ACSF2: variants seen among roughly 807,000 people sequenced by gnomAD.
ACSF2 encodes the protein acyl-CoA synthetase family member 2, also known as medium-chain acyl-CoA ligase ACSF2, mitochondrial.
ACSF2 carries 52 observed loss-of-function variants against 79.3 expected under a neutral mutation model. The observed-to-expected ratio is 0.66, with a 90% CI of 0.53 to 0.83. The LOEUF is 0.83. ACSF2 is among the 40% of genes least tolerant of loss of function. The pLI, the probability that ACSF2 is intolerant of heterozygous loss-of-function variation, is 0.00. For synonymous variants in ACSF2, 283 were observed against 312.6 expected, an observed-to-expected ratio of 0.91 and a Z score of 1.00; for missense variants, 661 against 803.3, an observed-to-expected ratio of 0.82 and a Z score of 2.14.
intron 12 of ACSF2, 146 bp downstream of exon 12, chr17:50,472,725 T>TATAC: frequency 1.0e-6 from 1 of 953,624 alleles, no homozygotes; most frequent in Non-Finnish European, 1.5e-6. Context: ...TTCCAAAATG[T>TATAC]ATACGGTGGG....
intron 1 of ACSF2, among the ~76,000 whole-genome samples, chr17:50,429,744 C>T (rs1915353239): frequency 6.6e-6 from 1 of 152,160 alleles, no homozygotes; most frequent in Non-Finnish European, 1.5e-5. Context: ...TCTCAAACTC[C>T]TGAACTCAAG....
intron 1 of ACSF2, among the ~76,000 whole-genome samples, chr17:50,442,131 C>A (rs1359447966): frequency 3.3e-5 from 5 of 152,004 alleles, no homozygotes; most frequent in African/African-American, 9.7e-5. Flanking sequence ...ATGGTGAAAC[C>A]CCATTTCTAC....
chr17:50,467,652 T>G (rs1229822756), intron 10 of ACSF2, among the ~76,000 whole-genome samples: 1 of 152,096 alleles, frequency 6.6e-6, no homozygotes, highest in African/African-American at 2.4e-5. Flanking sequence ...AAACAAACCT[T>G]CCTTTATGGG....
chr17:50,437,513 C>T (rs2030528991), intron 1 of ACSF2, among the ~76,000 whole-genome samples: 1 of 152,134 alleles, frequency 6.6e-6, no homozygotes, highest in South Asian at 2.1e-4. Flanking sequence ...TAAATCCCAG[C>T]TGAGCGTGTG....
At chr17:50,466,483 C>T (rs533445827) in intron 10 of ACSF2, among the ~76,000 whole-genome samples, 2 of 152,316 alleles carry the variant, frequency 1.3e-5, no homozygotes, top group South Asian at 4.1e-4. Flanking sequence ...GCCACAGGAC[C>T]ACACCCAGCT....
intron 1 of ACSF2, among the ~76,000 whole-genome samples, chr17:50,426,668 G>A (rs902943161): frequency 6.6e-6 from 1 of 152,344 alleles, no homozygotes; most frequent in East Asian, 1.9e-4. Flanking sequence ...AGGGCAAGGA[G>A]TGTGGGCTTT....
At chr17:50,457,834 A>G (rs1598415250) in intron 1 of ACSF2, among the ~76,000 whole-genome samples, 1 of 152,144 alleles carries the variant, frequency 6.6e-6, no homozygotes, top group African/African-American at 2.4e-5. Flanking sequence ...TAGATGAGTC[A>G]AAGGCGGTTG....
chr17:50,445,595 G>T (rs961806159), intron 1 of ACSF2, among the ~76,000 whole-genome samples: 2 of 152,126 alleles, frequency 1.3e-5, no homozygotes, highest in African/African-American at 2.4e-5. Context: ...AGGAGGTCAA[G>T]ACTAGCCTGG....
chr17:50,468,697 G>C (rs1409677467), intron 10 of ACSF2: 1 of 1,613,576 alleles, frequency 6.2e-7, no homozygotes, highest in South Asian at 1.1e-5. Flanking sequence ...GCCCCACCTT[G>C]TCGCAGATGA....
In ACSF2 at chr17:50,464,057, C is replaced by T; in HGVS notation, c.1138+148C>T. On this transcript the variant is annotated intron_variant, in intron 9 of 15. Transcript: ENST00000300441. ...TGTGGGTGGGAGGGAGGGAGATCCC[C>T]AGTGTCCCTGGACACCAGCCCAGGG... 2.8e-6 allele frequency: 3 copies of T among 1,082,888 alleles called. No individual in the cohort carries two copies. In the South Asian group the frequency reaches 4.2e-5, roughly 15 times the overall value. The allele number at this position is 1,082,888 out of a possible 1,614,324, so 67.1% of individuals were successfully genotyped here. A position where few individuals can be genotyped will look rare whatever the true frequency, so the allele number is the denominator to read the frequency against.
rs76587847 is a variant in ACSF2 at position 50,447,812 on chromosome 17, A to C, written c.129-12865A>C. Among the ~76,000 whole-genome samples the C allele has an allele frequency of 4.9e-3, 750 of 152,318 alleles. 8 individuals carry two copies. Among genetic ancestry groups the C allele is most frequent in the African/African-American group, 0.017 (719 of 41,576 alleles). On this transcript the variant is annotated intron_variant, in intron 1 of 15. Coordinates refer to ENST00000300441, the MANE Select transcript of ACSF2 (RefSeq NM_025149.6). The stretch of plus-strand genomic sequence containing the variant: ...GCCTCTGTGGAAAGTAGTCTGACTG[A>C]CGCTTGAGGCGTACCTTTATAGAGA...
intron 10 of ACSF2, chr17:50,468,323 G>C: frequency 1.2e-6 from 2 of 1,614,148 alleles, no homozygotes; most frequent in Non-Finnish European, 1.7e-6. Flanking sequence ...GAAGGCGCCT[G>C]CGCGCAGCTC....
Position 50,463,762 on chromosome 17 carries a change from G to T in ACSF2, c.1047-56G>T. 6.4e-7 allele frequency: 1 copy of T among 1,564,832 alleles called. No homozygotes were observed. The highest frequency in any genetic ancestry group is 8.8e-7 in the Non-Finnish European group (1 of 1,140,326). ...TGCAGTTTCATGGCGGGGTGGGTGA[G>T]AACAGGGAGTTCCCTTCCACTTCCA... On this transcript the variant is annotated intron_variant, in intron 8 of 15. Transcript: ENST00000300441. The surrounding 1 kb of genome is among the most constrained non-coding windows in gnomAD (Gnocchi z 4.6).
chr17:50,426,815 T>C (rs1217024014), intron 1 of ACSF2: 2 of 1,356,616 alleles, frequency 1.5e-6, no homozygotes, highest in Non-Finnish European at 2.0e-6. Flanking sequence ...CCACTAAACT[T>C]AGCAGTCTCC....
At chr17:50,464,515 T>C in intron 10 of ACSF2, 1 of 678,822 alleles carries the variant, frequency 1.5e-6, no homozygotes, top group Non-Finnish European at 2.7e-6. Flanking sequence ...TACATACATT[T>C]ATATTTATAG....
At chr17:50,465,496 G>C in intron 10 of ACSF2, 1 of 1,598,030 alleles carries the variant, frequency 6.3e-7, no homozygotes, top group Non-Finnish European at 8.5e-7. Flanking sequence ...CTGGGGGGAA[G>C]GGCAGTGAAC....
Position 50,474,495 on chromosome 17 carries a change from C to T in ACSF2, c.1798-7C>T, listed in dbSNP as rs1226339888. 6.2e-7 allele frequency: 1 copy of T among 1,613,998 alleles called. No homozygotes were observed. Among genetic ancestry groups the T allele is most frequent in the Non-Finnish European group, 8.5e-7 (1 of 1,179,866 alleles). ...TGGTAACCCTAACTCCATTTTCTTT[C>T]CTCTAGATCCAGAAATTCAAACTTC... On this transcript the variant is annotated splice_polypyrimidine_tract_variant and splice_region_variant and intron_variant, in intron 15 of 15. Transcript: ENST00000300441. This position sits in a 1 kb window ranked among gnomAD's most constrained non-coding sequence, Gnocchi z 4.2.
At position 50,463,135 on chromosome 17, in the gene ACSF2, A is replaced by G; in HGVS notation, c.793-21A>G. 6.2e-7 allele frequency: 1 copy of G among 1,607,266 alleles called. No homozygotes were observed. Among genetic ancestry groups the G allele is most frequent in the Non-Finnish European group, 8.5e-7 (1 of 1,174,226 alleles). ...AAGGAGATGAGAAGGAGGCCAAGCCATGCCCTGTTTGCCTTGTCAGGGGAC... is the reference window on the plus strand; with the variant it reads ...AAGGAGATGAGAAGGAGGCCAAGCCGTGCCCTGTTTGCCTTGTCAGGGGAC... On this transcript the variant is annotated intron_variant, in intron 6 of 15. Transcript: ENST00000300441. This position sits in a 1 kb window ranked among gnomAD's most constrained non-coding sequence, Gnocchi z 4.6.
At chr17:50,436,432 T>G (rs1369137902) in intron 1 of ACSF2, among the ~76,000 whole-genome samples, 4 of 151,008 alleles carry the variant, frequency 2.6e-5, no homozygotes, top group Non-Finnish European at 5.9e-5. Context: ...CCCGGCCTGT[T>G]GTTGTTATTA....
Sources: allele counts gnomAD v4.1 joint callset (sites outside exome capture counted in the v4.1 genomes callset), GRCh38; gene constraint gnomAD v4.1.1; non-coding constraint Gnocchi (gnomAD v3.1); transcripts MANE v1.5; gene names NCBI Gene and HGNC (gene_info 2026-07-23, HGNC 2026-07-21).